RBL1: variants seen among roughly 807,000 people sequenced by gnomAD.
RBL1 encodes the protein retinoblastoma-like protein 1.
RBL1 carries 82 observed loss-of-function variants against 123.0 expected under a neutral mutation model. The observed-to-expected ratio is 0.67, with a 90% CI of 0.56 to 0.80. RBL1 has a LOEUF of 0.80. RBL1 is among the 30% of genes least tolerant of loss of function. RBL1 has a pLI of 0.00. For missense variants in RBL1, 1,171 were observed against 1,299.6 expected (o/e 0.90, Z 1.52); for synonymous variants, 405 against 441.3 (o/e 0.92, Z 1.03).
At chr20:37,017,970 C>T (rs2064283968) in intron 19 of RBL1, among the ~76,000 whole-genome samples, 1 of 152,140 alleles carries the variant, frequency 6.6e-6, no homozygotes, top group African/African-American at 2.4e-5. Context: ...GGGAAGATTA[C>T]TGTCAGCTAC....
intron 18 of RBL1, among the ~76,000 whole-genome samples, chr20:37,019,065 A>ATTTTT (rs2064301275): frequency 6.6e-6 from 1 of 150,788 alleles, no homozygotes; most frequent in Non-Finnish European, 1.5e-5. Context: ...TTTTTTAGAG[A>ATTTTT]CAGGGTCTCA....
chr20:37,094,771 G>C (rs1418366305), intron 1 of RBL1, among the ~76,000 whole-genome samples: 1 of 152,206 alleles, frequency 6.6e-6, no homozygotes. Flanking sequence ...CGAGTAGCTA[G>C]ATTACAGGCA....
intron 2 of RBL1, among the ~76,000 whole-genome samples, chr20:37,087,239 G>T (rs2065562634): frequency 1.3e-5 from 2 of 152,046 alleles, no homozygotes; most frequent in African/African-American, 4.8e-5. Flanking sequence ...GGAGGCTGAG[G>T]CAGGAGAATC....
chr20:37,082,481 AAC>A (rs145776810), intron 2 of RBL1, among the ~76,000 whole-genome samples: 18 of 147,726 alleles, frequency 1.2e-4, no homozygotes, highest in African/African-American at 2.7e-4. Context: ...TACACATACA[AAC>A]ACACACACAC....
At chr20:37,095,726 G>A in intron 1 of RBL1, 47 bp downstream of exon 1, 1 of 1,508,130 alleles carries the variant, frequency 6.6e-7, no homozygotes, top group South Asian at 1.3e-5. Flanking sequence ...GGCAGGGGTG[G>A]GGCCTGGCGA....
At chr20:37,066,624 C>A in intron 6 of RBL1, 100 bp downstream of exon 6, 1 of 1,108,332 alleles carries the variant, frequency 9.0e-7, no homozygotes. Context: ...AATCCTGACC[C>A]TAAGTTCTAT....
At chr20:37,075,139 T>C (rs2065344329) in intron 2 of RBL1, among the ~76,000 whole-genome samples, 1 of 152,196 alleles carries the variant, frequency 6.6e-6, no homozygotes, top group South Asian at 2.1e-4. Flanking sequence ...TCCATTTATA[T>C]GAAATGTCCA....
At chr20:37,053,614 T>C (rs2064955780) in intron 11 of RBL1, among the ~76,000 whole-genome samples, 1 of 152,212 alleles carries the variant, frequency 6.6e-6, no homozygotes, top group South Asian at 2.1e-4. Context: ...TATAAGTGTT[T>C]TGTCTTTATT....
chr20:37,051,757 G>T (rs2064917978), intron 11 of RBL1, among the ~76,000 whole-genome samples: 1 of 150,942 alleles, frequency 6.6e-6, no homozygotes, highest in African/African-American at 2.4e-5. Flanking sequence ...AAATAAAATG[G>T]CAGACTTAAG....
intron 19 of RBL1, 38 bp downstream of exon 19, chr20:37,018,241 T>A (rs2064287938): frequency 6.4e-7 from 1 of 1,570,758 alleles, no homozygotes; most frequent in African/African-American, 1.4e-5. Context: ...TGTGATCCAA[T>A]GTGTTTTACA....
chr20:37,077,769 C>T (rs1346585458), intron 2 of RBL1, among the ~76,000 whole-genome samples: 1 of 145,548 alleles, frequency 6.9e-6, no homozygotes, highest in African/African-American at 2.5e-5. Context: ...CCCAAAAATA[C>T]TTCAGTTTCT....
chr20:37,074,262 A>T (rs116933008), intron 2 of RBL1, among the ~76,000 whole-genome samples: 1 of 151,958 alleles, frequency 6.6e-6, no homozygotes, highest in Non-Finnish European at 1.5e-5. Flanking sequence ...TAAAGTTTAA[A>T]AATTAGCTTG....
At position 37,051,416 on chromosome 20, in the gene RBL1, G is replaced by A. The variant is rs137928141; in HGVS notation, c.1467+4137C>T. ...GGCTGGTCTAGAACTCCTGACCTTA[G>A]GTGATCCACCTGCGTTGGCCTCCCA... On this transcript the variant is annotated intron_variant, in intron 11 of 21. Transcript: ENST00000373664. 8.9e-3 allele frequency among the ~76,000 whole-genome samples: 1,353 copies of A among 152,212 alleles called. 18 individuals are homozygous for A. Among genetic ancestry groups the A allele is most frequent in the African/African-American group, 0.03 (1,245 of 41,534 alleles).
intron 2 of RBL1, among the ~76,000 whole-genome samples, chr20:37,071,110 G>T (rs181339473): frequency 8.5e-5 from 13 of 152,088 alleles, no homozygotes; most frequent in Non-Finnish European, 1.3e-4. Context: ...TGCCAGGATG[G>T]TCTTGAACTC....
At chr20:37,018,684 G>T (rs1198079432) in intron 18 of RBL1, among the ~76,000 whole-genome samples, 2 of 152,168 alleles carry the variant, frequency 1.3e-5, no homozygotes, top group Non-Finnish European at 2.9e-5. Context: ...AGGTGCAGTG[G>T]CTCACACCTG....
intron 18 of RBL1, among the ~76,000 whole-genome samples, chr20:37,019,173 T>TGGTG (rs991058356): frequency 6.6e-6 from 1 of 151,968 alleles, no homozygotes; most frequent in African/African-American, 2.4e-5. Context: ...CCTCCTTAAC[T>TGGTG]GGTGGGATTA....
intron 7 of RBL1, among the ~76,000 whole-genome samples, chr20:37,064,460 T>C (rs1021040787): frequency 7.2e-5 from 11 of 152,130 alleles, no homozygotes; most frequent in Admixed American, 5.9e-4. Flanking sequence ...TAAATGCCAA[T>C]TGGCCGGGTG....
intron 7 of RBL1, among the ~76,000 whole-genome samples, chr20:37,062,976 C>T (rs938934598): frequency 1.3e-5 from 2 of 151,682 alleles, no homozygotes; most frequent in African/African-American, 4.8e-5. Context: ...AGCGAGACTC[C>T]GTCTCCAAAA....
intron 19 of RBL1, among the ~76,000 whole-genome samples, chr20:37,013,179 G>A (rs547727451): frequency 9.8e-5 from 15 of 152,346 alleles, no homozygotes; most frequent in Admixed American, 7.8e-4. Flanking sequence ...TTGAGAAATC[G>A]GATGGTTGCC....
Sources: allele counts gnomAD v4.1 joint callset (sites outside exome capture counted in the v4.1 genomes callset), GRCh38; gene constraint gnomAD v4.1.1; transcripts MANE v1.5; gene names NCBI Gene and HGNC (gene_info 2026-07-23, HGNC 2026-07-21).